Variants in RAB31 observed in about 807,000 individuals in gnomAD.
RAB31 encodes ras-related protein Rab-31.
In RAB31, 21 loss-of-function variants were observed where a neutral mutation model predicts 25.6. The observed-to-expected ratio is 0.82, with a 90% CI of 0.58 to 1.18. The LOEUF (loss-of-function observed/expected upper bound fraction) is 1.18. Among genes scored for constraint, RAB31 ranks in the 50% most tolerant of loss-of-function variants. RAB31 has a pLI of 0.00. For missense variants in RAB31, 196 were observed against 250.1 expected (o/e 0.78, Z 1.46); for synonymous variants, 87 against 84.0 (o/e 1.04, Z -0.20).
At chr18:9,815,308 GT>G (rs2068596139) in intron 5 of RAB31, 86 bp downstream of exon 5, 1 of 571,012 alleles carries the variant, frequency 1.8e-6, no homozygotes, top group Non-Finnish European at 2.8e-6. Context: ...CCATCCCTGA[GT>G]GTCATCCGTG....
intron 2 of RAB31, among the ~76,000 whole-genome samples, chr18:9,789,149 T>A (rs1318833004): frequency 1.3e-5 from 2 of 152,112 alleles, no homozygotes; most frequent in Admixed American, 6.6e-5. Flanking sequence ...AAATACTACA[T>A]GTTCTCACTC....
At chr18:9,740,723 A>T (rs2068173946) in intron 1 of RAB31, among the ~76,000 whole-genome samples, 2 of 152,224 alleles carry the variant, frequency 1.3e-5, no homozygotes, top group African/African-American at 2.4e-5. Context: ...AAAAAAAAAA[A>T]TTCTTTTGGT....
intron 1 of RAB31, among the ~76,000 whole-genome samples, chr18:9,761,230 A>G (rs2068286986): frequency 6.6e-6 from 1 of 152,204 alleles, no homozygotes; most frequent in Non-Finnish European, 1.5e-5. Flanking sequence ...TGGAATATTC[A>G]GAATCAGTAC....
chr18:9,841,366 C>T (rs891284040), intron 5 of RAB31, among the ~76,000 whole-genome samples: 1 of 151,446 alleles, frequency 6.6e-6, no homozygotes, highest in African/African-American at 2.4e-5. Context: ...GGTGAAACCC[C>T]GTCTCTACTG....
chr18:9,845,720 C>T (rs1450204729), intron 6 of RAB31, 29 bp downstream of exon 6: 2 of 1,520,956 alleles, frequency 1.3e-6, no homozygotes, highest in East Asian at 5.0e-5. Flanking sequence ...GTTTTCAGCC[C>T]AACTTGCATT....
chr18:9,833,305 G>C (rs1316096397), intron 5 of RAB31, among the ~76,000 whole-genome samples: 8 of 152,172 alleles, frequency 5.3e-5, no homozygotes, highest in African/African-American at 1.9e-4. Context: ...GTGGTGCTTT[G>C]GCTCCTGGGG....
chr18:9,718,940 A>G (rs1357397590), intron 1 of RAB31, among the ~76,000 whole-genome samples: 1 of 152,016 alleles, frequency 6.6e-6, no homozygotes, highest in Non-Finnish European at 1.5e-5. Context: ...GGGGATCACA[A>G]ATATTCAGAC....
intron 2 of RAB31, among the ~76,000 whole-genome samples, chr18:9,784,165 T>C (rs2068419926): frequency 6.6e-6 from 1 of 151,866 alleles, no homozygotes; most frequent in African/African-American, 2.4e-5. Context: ...GCTTCCTGAG[T>C]AGCTGGGACT....
rs971315372 is a variant in RAB31 at position 9,786,042 on chromosome 18, C to A, written c.120-6112C>A. On this transcript the variant is annotated intron_variant, in intron 2 of 6. Transcript: ENST00000578921. ...CTCTAGCGTGGGCGACAGAGTCAGACTCTGAGAAAGAAAGAGAGAAAGAGA... is the reference window on the plus strand; with the variant it reads ...CTCTAGCGTGGGCGACAGAGTCAGAATCTGAGAAAGAAAGAGAGAAAGAGA... Among the ~76,000 whole-genome samples the A allele has an allele frequency of 8.7e-4, 89 of 102,346 alleles. 2 individuals are homozygous for A. Among genetic ancestry groups the A allele is most frequent in the Admixed American group, 1.3e-3 (11 of 8,776 alleles). 67.1% of individuals were successfully genotyped at this position (102,346 alleles called of 152,430 possible). A position where few individuals can be genotyped will look rare whatever the true frequency, so the allele number is the denominator to read the frequency against.
chr18:9,775,427 T>C, intron 2 of RAB31, 70 bp downstream of exon 2: 2 of 1,598,182 alleles, frequency 1.3e-6, no homozygotes, highest in South Asian at 2.2e-5. Context: ...ACTCTGTCTG[T>C]GCCTGAGCCT....
In RAB31 at chr18:9,817,547, G is replaced by A. The variant is rs145403153; in HGVS notation, c.380+2325G>A. Reference sequence around the variant, plus strand: ...GAGGAATTCCCCAGGTTAAGAACAGGCGTGTGTGGCCAAGAGGGGATTGGT... The same window carrying A: ...GAGGAATTCCCCAGGTTAAGAACAGACGTGTGTGGCCAAGAGGGGATTGGT... On this transcript the variant is annotated intron_variant, in intron 5 of 6. Transcript: ENST00000578921. Among the ~76,000 whole-genome samples, 132 of 152,232 alleles carry A rather than the reference G, an allele frequency of 8.7e-4. 1 individual carries two copies. The highest frequency in any genetic ancestry group is 3.0e-3 in the African/African-American group (126 of 41,534).
chr18:9,756,009 A>C (rs1433291817), intron 1 of RAB31, among the ~76,000 whole-genome samples: 1 of 152,198 alleles, frequency 6.6e-6, no homozygotes, highest in Non-Finnish European at 1.5e-5. Flanking sequence ...ATTTCCCTTG[A>C]GTTGGAAATT....
intron 1 of RAB31, among the ~76,000 whole-genome samples, chr18:9,762,476 G>A (rs1045917297): frequency 5.3e-5 from 8 of 152,192 alleles, no homozygotes; most frequent in African/African-American, 1.7e-4. Context: ...TGCCCAGTGA[G>A]GAGCTCACAC....
At chr18:9,761,038 T>C (rs1486095486) in intron 1 of RAB31, among the ~76,000 whole-genome samples, 1 of 152,130 alleles carries the variant, frequency 6.6e-6, no homozygotes, top group Non-Finnish European at 1.5e-5. Flanking sequence ...ATATCTTCCC[T>C]AGAGATTTAC....
chr18:9,779,926 G>A (rs899520977), intron 2 of RAB31, among the ~76,000 whole-genome samples: 2 of 152,184 alleles, frequency 1.3e-5, no homozygotes, highest in Non-Finnish European at 2.9e-5. Context: ...TATAATCCCA[G>A]CACTGTGGGA....
intron 1 of RAB31, among the ~76,000 whole-genome samples, chr18:9,770,419 T>A (rs143735790): frequency 2.0e-5 from 3 of 152,292 alleles, no homozygotes; most frequent in Non-Finnish European, 4.4e-5. Flanking sequence ...AGCCAAAACT[T>A]TGTGGTTCCT....
chr18:9,792,050 G>A, intron 2 of RAB31, 104 bp from the exon 3 acceptor site: 2 of 1,451,950 alleles, frequency 1.4e-6, no homozygotes, highest in East Asian at 2.6e-5. Context: ...AAGGACCAGG[G>A]CTTTTTGGGG....
At chr18:9,721,285 G>C (rs151304499) in intron 1 of RAB31, among the ~76,000 whole-genome samples, 1 of 152,158 alleles carries the variant, frequency 6.6e-6, no homozygotes, top group Non-Finnish European at 1.5e-5. Context: ...ACTGGCTAAG[G>C]AGAAAATAAC....
chr18:9,751,831 G>A (rs1173242309), intron 1 of RAB31, among the ~76,000 whole-genome samples: 1 of 152,212 alleles, frequency 6.6e-6, no homozygotes, highest in Non-Finnish European at 1.5e-5. Flanking sequence ...TGGGAGTCAA[G>A]CTTTAGATGC....
Sources: allele counts gnomAD v4.1 joint callset (sites outside exome capture counted in the v4.1 genomes callset), GRCh38; gene constraint gnomAD v4.1.1; transcripts MANE v1.5; gene names NCBI Gene and HGNC (gene_info 2026-07-23, HGNC 2026-07-21).